RANBP2: variants seen among roughly 807,000 people sequenced by gnomAD.
The protein encoded by RANBP2 is E3 SUMO-protein ligase RanBP2.
RANBP2 carries 57 observed loss-of-function variants against 303.6 expected under a neutral mutation model. That is an observed-to-expected ratio of 0.19 (90% confidence interval 0.15 to 0.23). The LOEUF (loss-of-function observed/expected upper bound fraction) is 0.23, where lower values mean the gene tolerates loss of function less well. RANBP2 is among the 10% of genes least tolerant of loss of function. The pLI, the probability that RANBP2 is intolerant of heterozygous loss-of-function variation, is 1.00. For missense variants in RANBP2, 3,138 were observed against 3,780.8 expected, an observed-to-expected ratio of 0.83 and a Z score of 4.46; for synonymous variants, 1,167 against 1,301.5, an observed-to-expected ratio of 0.90 and a Z score of 2.23.
the RANBP2 span, among the ~76,000 whole-genome samples, chr2:109,431,201 G>C: frequency 6.6e-6 from 1 of 152,180 alleles, no homozygotes; most frequent in East Asian, 1.9e-4. Flanking sequence ...CATATCCCCA[G>C]AGATGCACTG....
the RANBP2 span, among the ~76,000 whole-genome samples, chr2:109,108,229 C>T: frequency 1.3e-5 from 2 of 151,990 alleles, no homozygotes; most frequent in African/African-American, 2.4e-5. Context: ...TTAGTAGAGA[C>T]GGGGTTTCAC....
At chr2:109,507,743 A>C in the RANBP2 span, among the ~76,000 whole-genome samples, 1 of 152,322 alleles carries the variant, frequency 6.6e-6, no homozygotes, top group South Asian at 2.1e-4. Context: ...CCATCATTTG[A>C]ACCTGCCCCA....
chr2:108,858,926 G>T, the RANBP2 span, among the ~76,000 whole-genome samples: 9 of 152,082 alleles, frequency 5.9e-5, no homozygotes, highest in Non-Finnish European at 1.0e-4. Context: ...ACCACTGATG[G>T]GCACCTAGGT....
the RANBP2 span, among the ~76,000 whole-genome samples, chr2:109,283,143 G>C: frequency 1.3e-5 from 2 of 152,174 alleles, no homozygotes; most frequent in Non-Finnish European, 1.5e-5. Context: ...AAAATGCCCA[G>C]GGTACAGCCC....
At chr2:109,612,923 T>C in the RANBP2 span, among the ~76,000 whole-genome samples, 4 of 152,248 alleles carry the variant, frequency 2.6e-5, no homozygotes, top group Non-Finnish European at 5.9e-5. Flanking sequence ...GTTTCTACAA[T>C]TTAAACTTCT....
chr2:109,301,790 A>C, the RANBP2 span, among the ~76,000 whole-genome samples: 1 of 152,190 alleles, frequency 6.6e-6, no homozygotes, highest in African/African-American at 2.4e-5. Context: ...TGGGTTGCCC[A>C]CAGGTACCAT....
the RANBP2 span, among the ~76,000 whole-genome samples, chr2:109,390,899 A>T: frequency 6.6e-6 from 1 of 152,190 alleles, no homozygotes; most frequent in Non-Finnish European, 1.5e-5. Context: ...GGGTCCCGGC[A>T]TGAATGCTGC....
the RANBP2 span, among the ~76,000 whole-genome samples, chr2:109,481,410 G>A: frequency 6.6e-6 from 1 of 152,168 alleles, no homozygotes. Flanking sequence ...CCACAGGCCA[G>A]AGACTGGTGT....
chr2:108,908,042 C>T, the RANBP2 span: 1 of 1,594,874 alleles, frequency 6.3e-7, no homozygotes, highest in Non-Finnish European at 8.6e-7. Flanking sequence ...GAGCGATGGT[C>T]ATTAGCAGTG....
chr2:109,134,685 G>A, the RANBP2 span, among the ~76,000 whole-genome samples: 1 of 152,152 alleles, frequency 6.6e-6, no homozygotes, highest in Non-Finnish European at 1.5e-5. Context: ...TTTTTTGGAA[G>A]ATTAACTTTG....
the RANBP2 span, among the ~76,000 whole-genome samples, chr2:109,354,576 G>T: frequency 6.6e-6 from 1 of 152,368 alleles, no homozygotes; most frequent in South Asian, 2.1e-4. Context: ...AAGGTTTTCA[G>T]TGATCGTGGC....
the RANBP2 span, among the ~76,000 whole-genome samples, chr2:109,568,816 T>A: frequency 6.6e-6 from 1 of 152,164 alleles, no homozygotes; most frequent in African/African-American, 2.4e-5. Context: ...TGTGCCCCAC[T>A]GTCACAGACT....
At chr2:108,898,680 A>T in the RANBP2 span, among the ~76,000 whole-genome samples, 1 of 152,248 alleles carries the variant, frequency 6.6e-6, no homozygotes, top group South Asian at 2.1e-4. Flanking sequence ...AAGTGCTTCA[A>T]CAAGCAATTA....
chr2:109,262,476 G>A, the RANBP2 span, among the ~76,000 whole-genome samples: 53 of 152,304 alleles, frequency 3.5e-4, no homozygotes, highest in Admixed American at 3.1e-3. Flanking sequence ...GACAGTGTCC[G>A]GAGGCCCCAC....
the RANBP2 span, among the ~76,000 whole-genome samples, chr2:109,562,091 T>C: frequency 6.6e-6 from 1 of 151,950 alleles, no homozygotes; most frequent in Non-Finnish European, 1.5e-5. Context: ...TGCATGCCTA[T>C]AGTCCCAGCT....
the RANBP2 span, among the ~76,000 whole-genome samples, chr2:109,640,708 T>C: frequency 7.2e-5 from 11 of 152,122 alleles, no homozygotes; most frequent in Admixed American, 6.6e-4. Context: ...CACTCAAGTA[T>C]AAAGTAGAAG....
chr2:109,669,442 C>A, the RANBP2 span, among the ~76,000 whole-genome samples: 2 of 152,086 alleles, frequency 1.3e-5, no homozygotes, highest in East Asian at 3.9e-4. Flanking sequence ...GATTCATAAC[C>A]AGAATATATA....
the RANBP2 span, among the ~76,000 whole-genome samples, chr2:109,554,193 G>A: frequency 6.6e-6 from 1 of 152,066 alleles, no homozygotes; most frequent in Non-Finnish European, 1.5e-5. Context: ...AGTCATTATG[G>A]TGGAGGTGAA....
At chr2:109,270,686 C>T in the RANBP2 span, among the ~76,000 whole-genome samples, 32 of 152,318 alleles carry the variant, frequency 2.1e-4, 1 homozygote, top group African/African-American at 7.2e-4. Flanking sequence ...ATCTGGGCCA[C>T]GCAGGTGGTG....
Sources: gnomAD v4.1 joint callset for allele counts (sites outside exome capture counted in the v4.1 genomes callset) on GRCh38, gnomAD v4.1.1 for gene constraint, MANE v1.5 for transcripts, NCBI Gene and HGNC (gene_info 2026-07-23, HGNC 2026-07-21) for gene names.